Variants in PPP2R5D observed in about 807,000 individuals in gnomAD.
PPP2R5D encodes the protein protein phosphatase 2 regulatory subunit B'delta, also known as serine/threonine-protein phosphatase 2A 56 kDa regulatory subunit delta isoform.
Under a neutral mutation model 79.1 loss-of-function variants are expected in PPP2R5D, and 12 were observed. The ratio of observed to expected loss-of-function variants is 0.15; its 90% CI spans 0.10 to 0.25. PPP2R5D has a LOEUF of 0.25. Among genes scored for constraint, PPP2R5D ranks in the 10% least tolerant of loss-of-function variants. PPP2R5D has a pLI of 1.00. For synonymous variants in PPP2R5D, 277 were observed against 286.6 expected, an observed-to-expected ratio of 0.97 and a Z score of 0.34; for missense variants, 419 against 760.2, an observed-to-expected ratio of 0.55 and a Z score of 5.28.
Position 42,992,028 on chromosome 6 carries a change from T to C in PPP2R5D, c.105+2340T>C, listed in dbSNP as rs185936566. On this transcript the variant is annotated intron_variant, in intron 2 of 15. Coordinates refer to ENST00000485511, the MANE Select transcript of PPP2R5D (RefSeq NM_006245.4). ...AAGTTGGAGCTAGGATGTGAGGCTG[T>C]GGTCTTCAAAAGCTGTTTGGCACAG... is the stretch of plus-strand genomic sequence containing the variant. Among the ~76,000 whole-genome samples, 20 of 152,282 alleles carry C rather than the reference T, an allele frequency of 1.3e-4. No homozygotes were observed. In the East Asian group the frequency reaches 3.5e-3, roughly 26 times the overall value.
chr6:43,003,795 C>G (rs1188564665), intron 2 of PPP2R5D, among the ~76,000 whole-genome samples: 2 of 152,052 alleles, frequency 1.3e-5, no homozygotes, highest in Admixed American at 6.6e-5. Context: ...AGTGCAGTGG[C>G]GTGATCTCGG....
intron 1 of PPP2R5D, 110 bp from the exon 2 acceptor site, chr6:42,989,501 G>T: frequency 1.1e-6 from 1 of 912,604 alleles, no homozygotes; most frequent in South Asian, 1.6e-5. Context: ...GATTCTAATT[G>T]ATTGATTCAA....
intron 2 of PPP2R5D, among the ~76,000 whole-genome samples, chr6:42,991,074 C>T (rs1373585962): frequency 6.6e-6 from 1 of 152,114 alleles, no homozygotes; most frequent in Non-Finnish European, 1.5e-5. Flanking sequence ...GACGATTTGT[C>T]CCCATCTGTG....
intron 2 of PPP2R5D, among the ~76,000 whole-genome samples, chr6:42,998,032 TATATATATATATATATATATATATA>T (rs1253219067): frequency 1.6e-3 from 35 of 21,404 alleles, no homozygotes; most frequent in Non-Finnish European, 3.3e-3. Flanking sequence ...TATATATATA[TATATATATATATATATATATATATA>T]TTTTTTTTTT....
chr6:43,012,213 G>A lies in PPP2R5D; in HGVS notation c.*927G>A, dbSNP rs1289241587. Reference sequence around the variant, plus strand: ...AAGGCCGGACCCAGGTTCCAGGGGCGCAGGCAGTGCGGCTTTTGGCTGTGT... The same window carrying A: ...AAGGCCGGACCCAGGTTCCAGGGGCACAGGCAGTGCGGCTTTTGGCTGTGT... On this transcript the variant is annotated 3_prime_UTR_variant, in exon 16 of 16. Transcript: ENST00000485511. The A allele has an allele frequency of 8.5e-6, 10 of 1,175,160 alleles. No homozygotes were observed. The highest frequency in any genetic ancestry group is 4.5e-5 in the Admixed American group (1 of 22,450). 72.8% of individuals were successfully genotyped at this position (1,175,160 alleles called of 1,614,324 possible). A position where few individuals can be genotyped will look rare whatever the true frequency, so the allele number is the denominator to read the frequency against.
chr6:42,996,775 G>C (rs1018850598), intron 2 of PPP2R5D, among the ~76,000 whole-genome samples: 2 of 152,136 alleles, frequency 1.3e-5, no homozygotes, highest in Admixed American at 6.6e-5. Flanking sequence ...TTGAAGGAAG[G>C]AAAGAATTAA....
chr6:43,011,060 A>G, intron 15 of PPP2R5D, 63 bp downstream of exon 15: 1 of 1,610,118 alleles, frequency 6.2e-7, no homozygotes, highest in Non-Finnish European at 8.5e-7. Context: ...AGGAGACAGA[A>G]ACAGCAGAGC....
In PPP2R5D at chr6:43,012,227, T is replaced by A. The variant is rs909541141; in HGVS notation, c.*941T>A. ...GTTCCAGGGGCGCAGGCAGTGCGGC[T>A]TTTGGCTGTGTACATAGGGTGCTTT... On this transcript the variant is annotated 3_prime_UTR_variant, in exon 16 of 16. Coordinates refer to ENST00000485511, the MANE Select transcript of PPP2R5D (RefSeq NM_006245.4). 2.5e-6 allele frequency: 3 copies of A among 1,214,664 alleles called. No individual in the cohort carries two copies. The African/African-American group carries it at 4.7e-5, about 19-fold the overall frequency. 75.2% of individuals were successfully genotyped at this position (1,214,664 alleles called of 1,614,324 possible).
rs142458919 is a variant in PPP2R5D, at chr6:43,011,559, C to G, written c.*273C>G. 18 of 513,850 alleles carry G rather than the reference C, an allele frequency of 3.5e-5. No homozygotes were observed. The South Asian group carries it at 4.0e-4, about 12-fold the overall frequency. The allele number at this position is 513,850 out of a possible 1,614,324, so 31.8% of individuals were successfully genotyped here. A position where few individuals can be genotyped will look rare whatever the true frequency, so the allele number is the denominator to read the frequency against. ...TGGGGATGCCTGTCCCCTACCTGCT[C>G]CTCACCCACAGCTACCTGAGGCTGC... On this transcript the variant is annotated 3_prime_UTR_variant, in exon 16 of 16. Transcript: ENST00000485511.
At position 43,006,420 on chromosome 6, in the gene PPP2R5D, A is replaced by G; in HGVS notation, c.106-43A>G. The G allele has an allele frequency of 4.4e-6, 7 of 1,601,162 alleles. No homozygotes were observed. Among genetic ancestry groups the G allele is most frequent in the Non-Finnish European group, 5.1e-6 (6 of 1,173,816 alleles). ...GATGGCCAGGCCCAGGGTGGGAGGC[A>G]TATCTTGGGAAGTGGATTTCAACAG... On this transcript the variant is annotated intron_variant, in intron 2 of 15. Coordinates refer to ENST00000485511, the MANE Select transcript of PPP2R5D (RefSeq NM_006245.4). This position sits in a 1 kb window ranked among gnomAD's most constrained non-coding sequence, Gnocchi z 4.7.
At chr6:42,995,126 C>CTTTTGTTTTTTTTT (rs1771556027) in intron 2 of PPP2R5D, among the ~76,000 whole-genome samples, 1 of 106,366 alleles carries the variant, frequency 9.4e-6, no homozygotes, top group African/African-American at 4.2e-5. Context: ...CTTTTTCTTT[C>CTTTTGTTTTTTTTT]TTTTTTTTTT....
chr6:43,006,304 A>G lies in PPP2R5D; in HGVS notation c.106-159A>G, dbSNP rs1762072410. 1 of 1,325,362 alleles carries G rather than the reference A, an allele frequency of 7.5e-7. No homozygotes were observed. The highest frequency in any genetic ancestry group is 1.6e-5 in the South Asian group (1 of 63,238). The allele number at this position is 1,325,362 out of a possible 1,614,324, so 82.1% of individuals were successfully genotyped here. On this transcript the variant is annotated intron_variant, in intron 2 of 15. Coordinates refer to ENST00000485511, the MANE Select transcript of PPP2R5D (RefSeq NM_006245.4). This position sits in a 1 kb window ranked among gnomAD's most constrained non-coding sequence, Gnocchi z 4.7. ...GACTGCTCCCTGCCAGGGCTACAGC[A>G]CAGTTATCTCTGTAACCCTGGCCTT...
At chr6:42,996,510 A>C (rs568106675) in intron 2 of PPP2R5D, among the ~76,000 whole-genome samples, 26 of 152,210 alleles carry the variant, frequency 1.7e-4, no homozygotes, top group Admixed American at 1.2e-3. Context: ...AAAAGAAAAA[A>C]AAACAAACAA....
intron 2 of PPP2R5D, among the ~76,000 whole-genome samples, chr6:43,003,314 C>T (rs982083953): frequency 2.6e-5 from 4 of 151,996 alleles, no homozygotes; most frequent in Admixed American, 6.6e-5. Flanking sequence ...CCCAGCTACT[C>T]GGGAGGCTGA....
intron 2 of PPP2R5D, among the ~76,000 whole-genome samples, chr6:42,990,698 A>ATTTT (rs1370380521): frequency 2.3e-5 from 2 of 86,954 alleles, no homozygotes; most frequent in Admixed American, 1.2e-4. Context: ...GCAGTATTCT[A>ATTTT]CTTTTTTTTT....
intron 2 of PPP2R5D, among the ~76,000 whole-genome samples, chr6:43,002,166 C>CTT (rs775043995): frequency 1.5e-4 from 21 of 140,774 alleles, no homozygotes; most frequent in Admixed American, 5.7e-4. Flanking sequence ...TTTGGTTGTT[C>CTT]TTTTTTTTTT....
chr6:42,994,774 C>T (rs926118999), intron 2 of PPP2R5D, among the ~76,000 whole-genome samples: 41 of 150,536 alleles, frequency 2.7e-4, no homozygotes, highest in African/African-American at 8.6e-4. Flanking sequence ...GCCAAGATCA[C>T]GCCATTGCAC....
rs1561843629 is a variant in PPP2R5D at position 42,998,015 on chromosome 6, TTATATATATATATATATATATATATATA to T, written c.105+8343_105+8370del. Among the ~76,000 whole-genome samples the T allele has an allele frequency of 5.9e-3, 192 of 32,348 alleles. 2 individuals carry two copies. Among genetic ancestry groups the T allele is most frequent in the South Asian group, 0.018 (14 of 788 alleles). 21.2% of individuals were successfully genotyped at this position (32,348 alleles called of 152,430 possible). On this transcript the variant is annotated intron_variant, in intron 2 of 15. Coordinates refer to ENST00000485511, the MANE Select transcript of PPP2R5D (RefSeq NM_006245.4). ...TTATATTTGAATATTTGGGTTTTAT[TTATATATATATATATATATATATATATA>T]TATATATATATATATTTTTTTTTTT...
At chr6:42,987,198 T>G (rs895209758) in intron 1 of PPP2R5D, among the ~76,000 whole-genome samples, 2 of 152,202 alleles carry the variant, frequency 1.3e-5, no homozygotes, top group African/African-American at 2.4e-5. Flanking sequence ...GGGAATTAAT[T>G]GTGGACAAGA....
Sources: gnomAD v4.1 joint callset for allele counts (sites outside exome capture counted in the v4.1 genomes callset) on GRCh38, gnomAD v4.1.1 for gene constraint, Gnocchi (gnomAD v3.1) non-coding constraint, MANE v1.5 for transcripts, NCBI Gene and HGNC (gene_info 2026-07-23, HGNC 2026-07-21) for gene names.